GPHN: variants seen among roughly 807,000 people sequenced by gnomAD.
GPHN encodes the protein gephyrin.
In GPHN, 17 loss-of-function variants were observed where a neutral mutation model predicts 95.5. That is an observed-to-expected ratio of 0.18 (90% CI 0.12 to 0.27). GPHN has a LOEUF of 0.27. Among genes scored for constraint, GPHN ranks in the 10% least tolerant of loss-of-function variants. The pLI, the probability that GPHN is intolerant of heterozygous loss-of-function variation, is 1.00. For missense variants in GPHN, 660 were observed against 978.1 expected, an observed-to-expected ratio of 0.67 and a Z score of 4.34; for synonymous variants, 320 against 322.5, an observed-to-expected ratio of 0.99 and a Z score of 0.08.
chr14:67,249,376 A>C, the GPHN span, among the ~76,000 whole-genome samples: 5 of 152,242 alleles, frequency 3.3e-5, no homozygotes, highest in African/African-American at 1.2e-4. Flanking sequence ...GCCAAGCCTC[A>C]CTTTTCTCAC....
At chr14:67,211,272 A>T in the GPHN span, among the ~76,000 whole-genome samples, 1 of 152,164 alleles carries the variant, frequency 6.6e-6, no homozygotes, top group Admixed American at 6.5e-5. Flanking sequence ...GGGAGGAAGG[A>T]AGGAAAGAGA....
At chr14:67,144,491 T>A (rs1368843519) in intron 18 of GPHN, among the ~76,000 whole-genome samples, 1 of 151,670 alleles carries the variant, frequency 6.6e-6, no homozygotes, top group African/African-American at 2.4e-5. Flanking sequence ...CAAGCTTAAT[T>A]TTTGGCTCAA....
chr14:66,811,883 TA>T (rs1207222086), intron 3 of GPHN, among the ~76,000 whole-genome samples: 2 of 152,224 alleles, frequency 1.3e-5, no homozygotes, highest in African/African-American at 4.8e-5. Flanking sequence ...TTATAAACTC[TA>T]AACCAAACAA....
At chr14:67,635,762 A>C in the GPHN span, among the ~76,000 whole-genome samples, 1 of 152,148 alleles carries the variant, frequency 6.6e-6, no homozygotes, top group African/African-American at 2.4e-5. Context: ...CTGAGGCAGG[A>C]GAATTGCTTG....
intron 17 of GPHN, among the ~76,000 whole-genome samples, chr14:67,136,501 T>G (rs777817261): frequency 6.6e-6 from 1 of 152,186 alleles, no homozygotes; most frequent in Non-Finnish European, 1.5e-5. Context: ...CTAAAAAAAT[T>G]TATAGCTTTG....
At chr14:67,161,293 A>C (rs112006603) in intron 19 of GPHN, among the ~76,000 whole-genome samples, 7,730 of 152,200 alleles carry the variant, frequency 0.051, 211 homozygotes, top group Middle Eastern at 0.068. Context: ...ACCTTGTCTC[A>C]AAAAAGAAAA....
At chr14:67,569,602 G>A in the GPHN span, 10 of 452,232 alleles carry the variant, frequency 2.2e-5, no homozygotes, top group South Asian at 2.6e-5. Flanking sequence ...TCTCCACAAC[G>A]AGGGCTGTGG....
intron 5 of GPHN, among the ~76,000 whole-genome samples, chr14:66,888,374 A>C (rs2064307311): frequency 6.6e-6 from 1 of 152,226 alleles, no homozygotes; most frequent in Admixed American, 6.5e-5. Context: ...ACTTGTCCTC[A>C]GACATGCATT....
chr14:66,889,540 G>A lies in GPHN; in HGVS notation c.389+9507G>A, dbSNP rs563671080. ...CAATAAGTTAAAGAAGAAATCATAAGGGAAATTAGAAAATATTTAAAAGTG... is the reference window on the plus strand; with the variant it reads ...CAATAAGTTAAAGAAGAAATCATAAAGGAAATTAGAAAATATTTAAAAGTG... On this transcript the variant is annotated intron_variant, in intron 5 of 22. Coordinates refer to ENST00000478722, the MANE Select transcript of GPHN (RefSeq NM_020806.5). 2.6e-5 allele frequency among the ~76,000 whole-genome samples: 4 copies of A among 152,068 alleles called. No homozygotes were observed. In the South Asian group the frequency reaches 6.2e-4, roughly 24 times the overall value.
At position 66,924,027 on chromosome 14, in the gene GPHN, G is replaced by A. The variant is rs578150384; in HGVS notation, c.730-167G>A. Among the ~76,000 whole-genome samples, 5 of 152,190 alleles carry A rather than the reference G, an allele frequency of 3.3e-5. No homozygotes were observed. The South Asian group carries it at 1.0e-3, about 32-fold the overall frequency. ...CATAAATTTCAATCTTAGGAGAGAA[G>A]CTTATGGCATTTAAAATCTAAGCTG... is the stretch of plus-strand genomic sequence containing the variant. On this transcript the variant is annotated intron_variant, in intron 7 of 22. Coordinates refer to ENST00000478722, the MANE Select transcript of GPHN (RefSeq NM_020806.5).
chr14:66,881,899 C>T (rs766038785), intron 5 of GPHN, among the ~76,000 whole-genome samples: 1 of 151,776 alleles, frequency 6.6e-6, no homozygotes, highest in Non-Finnish European at 1.5e-5. Flanking sequence ...TCTGTCTGTG[C>T]ATTGCTGATT....
At chr14:67,599,034 TTAGA>T in the GPHN span, among the ~76,000 whole-genome samples, 6 of 152,292 alleles carry the variant, frequency 3.9e-5, no homozygotes, top group Admixed American at 2.0e-4. Context: ...GTTTAGATAG[TTAGA>T]TAGTTTCCTG....
At chr14:67,602,350 C>T in the GPHN span, among the ~76,000 whole-genome samples, 3 of 152,346 alleles carry the variant, frequency 2.0e-5, no homozygotes, top group Admixed American at 6.5e-5. Context: ...TCACCTCCCA[C>T]TGGGTCCCTC....
the GPHN span, chr14:67,352,955 G>A: frequency 5.0e-5 from 81 of 1,612,642 alleles, no homozygotes; most frequent in East Asian, 6.7e-5. Flanking sequence ...TGTCGAAATC[G>A]AAGAGTTAAG....
intron 1 of GPHN, among the ~76,000 whole-genome samples, chr14:66,527,964 T>C (rs898757338): frequency 6.6e-6 from 1 of 152,200 alleles, no homozygotes; most frequent in Non-Finnish European, 1.5e-5. Flanking sequence ...TGGAGAGTTC[T>C]GAAGATGTCT....
At chr14:67,164,331 T>C (rs1394673470) in intron 19 of GPHN, among the ~76,000 whole-genome samples, 2 of 152,002 alleles carry the variant, frequency 1.3e-5, no homozygotes, top group Admixed American at 6.6e-5. Context: ...TTTATTTATT[T>C]TGATATTTCA....
At chr14:67,321,817 G>GTAT in the GPHN span, among the ~76,000 whole-genome samples, 1 of 152,068 alleles carries the variant, frequency 6.6e-6, no homozygotes, top group Non-Finnish European at 1.5e-5. Flanking sequence ...ATATATGCTT[G>GTAT]TATGTATGTT....
At chr14:67,170,890 T>C (rs2082562249) in intron 21 of GPHN, among the ~76,000 whole-genome samples, 1 of 152,240 alleles carries the variant, frequency 6.6e-6, no homozygotes, top group Non-Finnish European at 1.5e-5. Context: ...CCATAAAAGA[T>C]GCAGCTTACA....
chr14:67,557,412 G>A, the GPHN span: 10 of 1,612,986 alleles, frequency 6.2e-6, no homozygotes, highest in Middle Eastern at 3.5e-4. Flanking sequence ...CTCAGCTGGA[G>A]AAGCAGGTAA....
Sources: gnomAD v4.1 joint callset for allele counts (sites outside exome capture counted in the v4.1 genomes callset) on GRCh38, gnomAD v4.1.1 for gene constraint, MANE v1.5 for transcripts, NCBI Gene and HGNC (gene_info 2026-07-23, HGNC 2026-07-21) for gene names.